SAMD12: variants seen among roughly 807,000 people sequenced by gnomAD.
SAMD12 encodes sterile alpha motif domain containing 12, also known as sterile alpha motif domain-containing protein 12.
SAMD12 carries 9 observed loss-of-function variants against 15.0 expected under a neutral mutation model. The observed-to-expected ratio is 0.60, with a 90% CI of 0.36 to 1.05. The LOEUF is 1.05. SAMD12 is among the 50% of genes least tolerant of loss of function. The pLI is 0.01. For missense variants in SAMD12, 230 were observed against 234.2 expected, an observed-to-expected ratio of 0.98 and a Z score of 0.12; for synonymous variants, 86 against 90.1, an observed-to-expected ratio of 0.96 and a Z score of 0.25.
chr8:118,537,111 T>C (rs890789428), intron 2 of SAMD12, among the ~76,000 whole-genome samples: 1 of 152,216 alleles, frequency 6.6e-6, no homozygotes, highest in Non-Finnish European at 1.5e-5. Flanking sequence ...CACTCTTTCC[T>C]GGCCTGTAAG....
At chr8:118,582,609 G>A (rs139797779) in intron 1 of SAMD12, among the ~76,000 whole-genome samples, 6 of 152,162 alleles carry the variant, frequency 3.9e-5, no homozygotes, top group African/African-American at 1.2e-4. Context: ...GCTTTGTTCT[G>A]AATCTCAAAT....
chr8:118,563,288 T>C (rs1397124473), intron 2 of SAMD12, among the ~76,000 whole-genome samples: 2 of 152,206 alleles, frequency 1.3e-5, no homozygotes, highest in Admixed American at 6.5e-5. Context: ...AAATATCACA[T>C]ATACTTTTTA....
chr8:118,609,369 A>G (rs943333215), intron 1 of SAMD12, among the ~76,000 whole-genome samples: 1 of 152,200 alleles, frequency 6.6e-6, no homozygotes, highest in Admixed American at 6.5e-5. Flanking sequence ...TTTTTATTTT[A>G]CTATCATCTG....
intron 2 of SAMD12, among the ~76,000 whole-genome samples, chr8:118,458,224 TTTC>T (rs1823316535): frequency 6.6e-6 from 1 of 152,258 alleles, no homozygotes; most frequent in Non-Finnish European, 1.5e-5. Context: ...GCTCCCGTTT[TTTC>T]TTTTTAATAA....
intron 1 of SAMD12, among the ~76,000 whole-genome samples, chr8:118,615,617 A>G (rs1338725914): frequency 6.6e-6 from 1 of 152,206 alleles, no homozygotes; most frequent in Non-Finnish European, 1.5e-5. Flanking sequence ...CCAGAGTTCA[A>G]GCATGGGCTT....
At chr8:118,269,220 CTGTG>C (rs71515963) in intron 4 of SAMD12, among the ~76,000 whole-genome samples, 9,636 of 122,664 alleles carry the variant, frequency 0.079, 463 homozygotes, top group East Asian at 0.29. Flanking sequence ...CTCTCTCTCT[CTGTG>C]TGTGTGTGTG....
At chr8:118,393,667 T>C (rs933709523) in intron 3 of SAMD12, among the ~76,000 whole-genome samples, 2 of 151,952 alleles carry the variant, frequency 1.3e-5, no homozygotes, top group African/African-American at 4.8e-5. Flanking sequence ...GATGCAATCT[T>C]GGCTCACTGC....
chr8:118,461,572 G>A (rs1000242284), intron 2 of SAMD12, among the ~76,000 whole-genome samples: 3 of 151,908 alleles, frequency 2.0e-5, no homozygotes, highest in Admixed American at 6.5e-5. Flanking sequence ...TGTATTTTAC[G>A]TATGTACATA....
chr8:118,280,022 C>T (rs1432244301), intron 4 of SAMD12, among the ~76,000 whole-genome samples: 2 of 152,166 alleles, frequency 1.3e-5, no homozygotes, highest in African/African-American at 2.4e-5. Context: ...GACTATTGCA[C>T]GTTCTCTCCA....
chr8:118,204,064 C>A (rs1266937252), intron 4 of SAMD12, among the ~76,000 whole-genome samples: 2 of 152,076 alleles, frequency 1.3e-5, no homozygotes, highest in African/African-American at 4.8e-5. Flanking sequence ...CCCTCTTCTT[C>A]TCATCATTTG....
chr8:118,349,891 G>A (rs531932296), intron 4 of SAMD12, among the ~76,000 whole-genome samples: 2 of 152,198 alleles, frequency 1.3e-5, no homozygotes, highest in African/African-American at 4.8e-5. Flanking sequence ...ACCTTGGGAA[G>A]CTAAGCTGGG....
chr8:118,382,601 C>T (rs921829668), intron 3 of SAMD12, among the ~76,000 whole-genome samples: 1 of 152,186 alleles, frequency 6.6e-6, no homozygotes, highest in Non-Finnish European at 1.5e-5. Context: ...CTGTGTGATA[C>T]AATCATGCTT....
chr8:118,571,677 C>G (rs900041105), intron 2 of SAMD12, among the ~76,000 whole-genome samples: 1 of 152,210 alleles, frequency 6.6e-6, no homozygotes, highest in African/African-American at 2.4e-5. Flanking sequence ...GTGAAAGCCT[C>G]AAGCCATGGC....
At chr8:118,550,356 A>G (rs1826286655) in intron 2 of SAMD12, among the ~76,000 whole-genome samples, 1 of 152,234 alleles carries the variant, frequency 6.6e-6, no homozygotes, top group Admixed American at 6.5e-5. Flanking sequence ...AAGCCAAAAG[A>G]GAGTGGGGGC....
chr8:118,617,420 A>C (rs1828266077), intron 1 of SAMD12, among the ~76,000 whole-genome samples: 1 of 152,240 alleles, frequency 6.6e-6, no homozygotes, highest in South Asian at 2.1e-4. Context: ...TGAGCACTGA[A>C]TGACTTATCA....
In SAMD12 at chr8:118,538,991, C is replaced by A. The variant is rs537940774; in HGVS notation, c.192+41724G>T. Among the ~76,000 whole-genome samples, 17 of 152,274 alleles carry A rather than the reference C, an allele frequency of 1.1e-4. No homozygotes were observed. In the East Asian group the frequency reaches 3.3e-3, roughly 29 times the overall value. ...AATTTGCCTGATATTTCAGAGGTAG[C>A]AAATTACCTAACTAGGATATAAACC... is the stretch of plus-strand genomic sequence containing the variant. On this transcript the variant is annotated intron_variant, in intron 2 of 3. Transcript: ENST00000314727.
intron 2 of SAMD12, among the ~76,000 whole-genome samples, chr8:118,574,959 T>C (rs749349047): frequency 1.4e-4 from 22 of 152,338 alleles, no homozygotes; most frequent in Non-Finnish European, 2.6e-4. Flanking sequence ...AGCTAAGCAA[T>C]GTAATTTGAT....
chr8:118,172,879 C>T, the SAMD12 span, among the ~76,000 whole-genome samples: 1 of 152,108 alleles, frequency 6.6e-6, no homozygotes, highest in Non-Finnish European at 1.5e-5. Context: ...AAACTTTATA[C>T]CATTTGAACA....
chr8:118,446,105 A>T lies in SAMD12; in HGVS notation c.193-6144T>A, dbSNP rs141732183. ...TTTCCCGTATTTGCATAATTTACAT[A>T]AACAAAAGCTCTTTGAGGTTCTTAA... is the stretch of plus-strand genomic sequence containing the variant. On this transcript the variant is annotated intron_variant, in intron 2 of 3. Coordinates refer to ENST00000314727, the MANE Select transcript of SAMD12 (RefSeq NM_207506.3). 9.7e-4 allele frequency among the ~76,000 whole-genome samples: 147 copies of T among 152,294 alleles called. 1 individual carries two copies. In the East Asian group the frequency reaches 0.027, roughly 28 times the overall value.
Sources: gnomAD v4.1 joint callset for allele counts (sites outside exome capture counted in the v4.1 genomes callset) on GRCh38, gnomAD v4.1.1 for gene constraint, MANE v1.5 for transcripts, NCBI Gene and HGNC (gene_info 2026-07-23, HGNC 2026-07-21) for gene names.